NTM: variants seen among roughly 807,000 people sequenced by gnomAD.
NTM encodes the protein IgLON family member 2.
Under a neutral mutation model 42.1 loss-of-function variants are expected in NTM, and 13 were observed. The observed-to-expected ratio is 0.31, with a 90% CI of 0.20 to 0.49. NTM has a LOEUF of 0.49. Ranked by LOEUF, NTM falls within the 20% of genes least tolerant of loss-of-function variation. The pLI, the probability that NTM is intolerant of heterozygous loss-of-function variation, is 0.99. For synonymous variants in NTM, 187 were observed against 179.2 expected (o/e 1.04, Z -0.35); for missense variants, 373 against 452.8 (o/e 0.82, Z 1.60).
intron 1 of NTM, among the ~76,000 whole-genome samples, chr11:131,848,935 C>T (rs914669440): frequency 6.6e-5 from 10 of 152,090 alleles, no homozygotes; most frequent in East Asian, 3.9e-4. Context: ...AAAAGGGTAT[C>T]GTAAATAATT....
chr11:131,822,190 C>T (rs2093218127), intron 1 of NTM, among the ~76,000 whole-genome samples: 1 of 152,106 alleles, frequency 6.6e-6, no homozygotes. Context: ...TTAATTACCC[C>T]TCTGTCTTTG....
intron 2 of NTM, among the ~76,000 whole-genome samples, chr11:132,053,644 T>C (rs1290535581): frequency 6.6e-6 from 1 of 152,214 alleles, no homozygotes; most frequent in African/African-American, 2.4e-5. Flanking sequence ...GAACTACTCT[T>C]TCTTCATCTA....
intron 1 of NTM, among the ~76,000 whole-genome samples, chr11:131,906,938 C>CA (rs1360126368): frequency 6.6e-6 from 1 of 152,228 alleles, no homozygotes; most frequent in East Asian, 1.9e-4. Flanking sequence ...CATAGAGGAG[C>CA]AAAAAATAGC....
At chr11:131,400,935 C>A (rs1343017475) in intron 1 of NTM, among the ~76,000 whole-genome samples, 19 of 151,474 alleles carry the variant, frequency 1.3e-4, no homozygotes, top group Admixed American at 1.3e-3. Context: ...GAGTCTGATA[C>A]TGAACTTCTT....
At chr11:132,293,018 CAT>C (rs1463038201) in intron 4 of NTM, among the ~76,000 whole-genome samples, 1 of 151,906 alleles carries the variant, frequency 6.6e-6, no homozygotes, top group Non-Finnish European at 1.5e-5. Flanking sequence ...AGCAAAAAGT[CAT>C]GGAGGTAAGA....
intron 1 of NTM, among the ~76,000 whole-genome samples, chr11:131,835,985 T>C (rs1288969743): frequency 6.6e-6 from 1 of 152,128 alleles, no homozygotes; most frequent in Admixed American, 6.5e-5. Flanking sequence ...TCTGTTTATA[T>C]GGAGAGTAAA....
At chr11:131,497,869 C>T (rs1955515799) in intron 1 of NTM, among the ~76,000 whole-genome samples, 1 of 152,164 alleles carries the variant, frequency 6.6e-6, no homozygotes, top group Non-Finnish European at 1.5e-5. Context: ...GTCACCTGTT[C>T]TGTAACCATC....
intron 1 of NTM, among the ~76,000 whole-genome samples, chr11:131,454,327 C>A (rs1295614314): frequency 6.6e-6 from 1 of 152,220 alleles, no homozygotes; most frequent in Non-Finnish European, 1.5e-5. Flanking sequence ...TCCACTGTTT[C>A]ACACACCCAG....
At chr11:131,849,814 A>C (rs935322256) in intron 1 of NTM, among the ~76,000 whole-genome samples, 11 of 124,960 alleles carry the variant, frequency 8.8e-5, no homozygotes, top group East Asian at 5.3e-4. Flanking sequence ...CACACCGGGG[A>C]CTGTTGTGGG....
intron 2 of NTM, among the ~76,000 whole-genome samples, chr11:131,921,830 C>T (rs976352583): frequency 2.0e-5 from 3 of 152,094 alleles, no homozygotes; most frequent in African/African-American, 7.2e-5. Context: ...GCCATCAGCA[C>T]AAACCCTATT....
chr11:131,648,541 C>A (rs543656409), intron 1 of NTM, among the ~76,000 whole-genome samples: 20 of 152,288 alleles, frequency 1.3e-4, no homozygotes, highest in Non-Finnish European at 2.2e-4. Flanking sequence ...GCCATTCTGA[C>A]TGGAATGAGA....
chr11:132,080,669 G>A (rs1207697148), intron 2 of NTM, among the ~76,000 whole-genome samples: 2 of 152,180 alleles, frequency 1.3e-5, no homozygotes, highest in Non-Finnish European at 2.9e-5. Flanking sequence ...TTCTGTATGA[G>A]TGCTGGACAG....
intron 1 of NTM, among the ~76,000 whole-genome samples, chr11:131,418,737 G>C (rs552860282): frequency 2.0e-4 from 30 of 152,152 alleles, no homozygotes; most frequent in Non-Finnish European, 4.3e-4. Flanking sequence ...CCAAAATCTA[G>C]ATTTCCCTGG....
At chr11:132,256,004 C>T (rs527575778) in intron 4 of NTM, among the ~76,000 whole-genome samples, 1 of 152,252 alleles carries the variant, frequency 6.6e-6, no homozygotes, top group African/African-American at 2.4e-5. Flanking sequence ...CAGTGAACGT[C>T]CTCCTCCATT....
At chr11:131,680,737 G>C (rs2072466855) in intron 1 of NTM, among the ~76,000 whole-genome samples, 1 of 151,968 alleles carries the variant, frequency 6.6e-6, no homozygotes. Flanking sequence ...GCATAGGCAT[G>C]TGTGCCTCTG....
At chr11:131,567,019 G>T (rs181866577) in intron 1 of NTM, among the ~76,000 whole-genome samples, 4 of 152,178 alleles carry the variant, frequency 2.6e-5, no homozygotes, top group South Asian at 2.1e-4. Context: ...CCTCAAGGTG[G>T]TCAGAGCTAG....
At chr11:131,561,338 G>C (rs1216806733) in intron 1 of NTM, among the ~76,000 whole-genome samples, 2 of 152,224 alleles carry the variant, frequency 1.3e-5, no homozygotes, top group Admixed American at 1.3e-4. Context: ...CAGCTTAGCA[G>C]TTGGCCCTAT....
intron 1 of NTM, among the ~76,000 whole-genome samples, chr11:131,708,452 G>T (rs2076801145): frequency 6.6e-6 from 1 of 152,098 alleles, no homozygotes; most frequent in Non-Finnish European, 1.5e-5. Context: ...CATTAGAGAT[G>T]TAAGACAAAA....
intron 1 of NTM, among the ~76,000 whole-genome samples, chr11:131,588,969 T>C (rs977728627): frequency 6.6e-6 from 1 of 151,378 alleles, no homozygotes; most frequent in Non-Finnish European, 1.5e-5. Flanking sequence ...AAGTGGAGGG[T>C]TTATATGGGA....
Sources: gnomAD v4.1 joint callset for allele counts (sites outside exome capture counted in the v4.1 genomes callset) on GRCh38, gnomAD v4.1.1 for gene constraint, MANE v1.5 for transcripts, NCBI Gene and HGNC (gene_info 2026-07-23, HGNC 2026-07-21) for gene names.